Variants in UGP2 observed in about 807,000 individuals in gnomAD.
UGP2 encodes UTP--glucose-1-phosphate uridylyltransferase.
In UGP2, 40 loss-of-function variants were observed where a neutral mutation model predicts 49.0. The ratio of observed to expected loss-of-function variants is 0.82; its 90% confidence interval spans 0.63 to 1.06. The LOEUF (loss-of-function observed/expected upper bound fraction) is 1.06. Ranked by LOEUF, UGP2 falls within the 50% of genes least tolerant of loss-of-function variation. The pLI is 0.00. For missense variants in UGP2, 460 were observed against 603.5 expected (o/e 0.76, Z 2.49); for synonymous variants, 225 against 213.0 (o/e 1.06, Z -0.49).
chr2:63,848,098 T>C (rs1284098454), intron 1 of UGP2, among the ~76,000 whole-genome samples: 1 of 152,164 alleles, frequency 6.6e-6, no homozygotes, highest in Non-Finnish European at 1.5e-5. Context: ...TATGAATAAA[T>C]TAGTAGGGCA....
chr2:63,854,818 CAAAAG>C (rs1669279982), intron 1 of UGP2: 1 of 152,150 alleles, frequency 6.6e-6, no homozygotes, highest in Non-Finnish European at 1.5e-5. Flanking sequence ...CTGTATCAAA[CAAAAG>C]AAAGAAACAA....
rs375567276 is a variant in UGP2, at chr2:63,874,804, C to T, written c.256-7662C>T. Among the ~76,000 whole-genome samples, 12 of 151,942 alleles carry T rather than the reference C, an allele frequency of 7.9e-5. No individual in the cohort carries two copies. In the East Asian group the frequency reaches 1.9e-3, roughly 25 times the overall value. On this transcript the variant is annotated intron_variant, in intron 3 of 9. Transcript: ENST00000337130. ...AAAAAAAAAAGCCTGGTACCTCCCTCCCTTTTTTTCTTGCTTCCCACCATG... is the reference window on the plus strand; with the variant it reads ...AAAAAAAAAAGCCTGGTACCTCCCTTCCTTTTTTTCTTGCTTCCCACCATG...
intron 3 of UGP2, among the ~76,000 whole-genome samples, chr2:63,874,433 A>T (rs1457494720): frequency 1.3e-5 from 2 of 152,174 alleles, no homozygotes; most frequent in African/African-American, 4.8e-5. Flanking sequence ...CGAGTATGTT[A>T]TATTGCCATA....
intron 1 of UGP2, among the ~76,000 whole-genome samples, chr2:63,854,362 A>G (rs1239710158): frequency 6.6e-6 from 1 of 152,252 alleles, no homozygotes; most frequent in African/African-American, 2.4e-5. Context: ...ATGAGGTTAG[A>G]AATCTTGGAT....
At chr2:63,865,347 C>T (rs1026100547) in intron 3 of UGP2, among the ~76,000 whole-genome samples, 8 of 152,136 alleles carry the variant, frequency 5.3e-5, no homozygotes, top group Non-Finnish European at 1.2e-4. Flanking sequence ...GAATCAATAA[C>T]ACAGGCATGC....
intron 1 of UGP2, among the ~76,000 whole-genome samples, chr2:63,845,349 A>G (rs1044032453): frequency 4.6e-5 from 7 of 152,198 alleles, no homozygotes; most frequent in African/African-American, 1.7e-4. Flanking sequence ...CATATTAGGT[A>G]GCCAGTCAAT....
At chr2:63,879,640 G>C (rs1188459019) in intron 3 of UGP2, among the ~76,000 whole-genome samples, 1 of 152,226 alleles carries the variant, frequency 6.6e-6, no homozygotes, top group Non-Finnish European at 1.5e-5. Context: ...TAGAATGAAA[G>C]TCCGGATACC....
chr2:63,841,432 G>T (rs1262457530), upstream of UGP2, among the ~76,000 whole-genome samples: 1 of 152,144 alleles, frequency 6.6e-6, no homozygotes, highest in Non-Finnish European at 1.5e-5. Flanking sequence ...GCCGGTGCAC[G>T]GGTCTGCCTC....
At chr2:63,873,442 A>G (rs1000907880) in intron 3 of UGP2, among the ~76,000 whole-genome samples, 1 of 152,206 alleles carries the variant, frequency 6.6e-6, no homozygotes, top group African/African-American at 2.4e-5. Flanking sequence ...TGTGAATGAC[A>G]TTTCCAATGT....
intron 1 of UGP2, among the ~76,000 whole-genome samples, chr2:63,843,709 CTT>C (rs1285665428): frequency 5.9e-5 from 9 of 152,174 alleles, no homozygotes; most frequent in South Asian, 4.2e-4. Context: ...TTTAAAAAAA[CTT>C]TTTATATTTT....
intron 3 of UGP2, among the ~76,000 whole-genome samples, chr2:63,861,379 G>A (rs1420165409): frequency 6.6e-6 from 1 of 152,046 alleles, no homozygotes. Flanking sequence ...GAGCTGACGA[G>A]TTCTCTTGAG....
rs1671619866 is a variant in UGP2, at chr2:63,885,587, A to C, written c.576-2A>C. 4 of 1,523,934 alleles carry C rather than the reference A, an allele frequency of 2.6e-6. No individual in the cohort carries two copies. The Admixed American group carries it at 9.5e-5, about 36-fold the overall frequency. 94.4% of individuals were successfully genotyped at this position (1,523,934 alleles called of 1,614,324 possible). On this transcript the variant is annotated splice_acceptor_variant, in intron 5 of 9. Coordinates refer to ENST00000337130, the MANE Select transcript of UGP2 (RefSeq NM_006759.4). LOFTEE classifies it high-confidence loss of function. ...TGAAAAAGAACTTTTTTTTTTTTAA[A>C]GGTACCCGAGGATTAATAAAGAATC... is the stretch of plus-strand genomic sequence containing the variant.
At chr2:63,888,051 G>A (rs1445653316) in intron 8 of UGP2, 1 of 164,286 alleles carries the variant, frequency 6.1e-6, no homozygotes, top group African/African-American at 2.4e-5. Context: ...TGACATTCTA[G>A]TGGGGAAAGG....
chr2:63,849,234 A>G (rs571021957), intron 1 of UGP2, among the ~76,000 whole-genome samples: 4 of 152,224 alleles, frequency 2.6e-5, no homozygotes, highest in Non-Finnish European at 4.4e-5. Context: ...GCTAGTCAAC[A>G]TATTGTAAAA....
At chr2:63,844,134 C>G (rs374699077) in intron 1 of UGP2, among the ~76,000 whole-genome samples, 2 of 152,178 alleles carry the variant, frequency 1.3e-5, no homozygotes, top group African/African-American at 4.8e-5. Context: ...GACACCTCCT[C>G]AAAATTTTTT....
intron 8 of UGP2, 54 bp from the exon 9 acceptor site, chr2:63,890,027 G>T: frequency 7.4e-7 from 1 of 1,344,138 alleles, no homozygotes. Flanking sequence ...TATTTTTCCT[G>T]TCTTTCTTTG....
intron 9 of UGP2, among the ~76,000 whole-genome samples, chr2:63,890,814 A>G (rs1370441149): frequency 6.6e-6 from 1 of 152,130 alleles, no homozygotes. Context: ...AAGGTTAGAT[A>G]ATGCTGGTGG....
At chr2:63,855,522 T>TTTTTTTTTTTTTTTTTTTG in intron 1 of UGP2, 2 of 48,876 alleles carry the variant, frequency 4.1e-5, no homozygotes, top group Non-Finnish European at 7.0e-5. Flanking sequence ...CTTTTTCTGT[T>TTTTTTTTTTTTTTTTTTTG]TTTTTTTTTT....
chr2:63,889,898 C>T, intron 8 of UGP2, 183 bp from the exon 9 acceptor site: 1 of 515,530 alleles, frequency 1.9e-6, no homozygotes, highest in Non-Finnish European at 3.4e-6. Flanking sequence ...TTTGTAGCTC[C>T]TGGTCTTTCC....
Sources: allele counts gnomAD v4.1 joint callset (sites outside exome capture counted in the v4.1 genomes callset), GRCh38; gene constraint gnomAD v4.1.1; transcripts MANE v1.5; gene names NCBI Gene and HGNC (gene_info 2026-07-23, HGNC 2026-07-21).